The following ZNF407 variants were observed in gnomAD, a reference collection of about 807,000 sequenced individuals.
ZNF407 encodes the protein zinc finger protein 407.
Under a neutral mutation model 131.2 loss-of-function variants are expected in ZNF407, and 17 were observed. The ratio of observed to expected loss-of-function variants is 0.13; its 90% confidence interval spans 0.09 to 0.19. The LOEUF is 0.19. Among genes scored for constraint, ZNF407 ranks in the 10% least tolerant of loss-of-function variants. The pLI is 1.00. For synonymous variants in ZNF407, 1,156 were observed against 1,062.0 expected (o/e 1.09, Z -1.72); for missense variants, 2,681 against 2,830.6 (o/e 0.95, Z 1.20).
chr18:74,877,305 G>A lies in ZNF407; in HGVS notation c.4986G>A (p.Thr1662=), dbSNP rs368154669. Residue 1662 remains threonine (T), a synonymous_variant, in exon 5 of 9, where the codon ACG becomes ACA. Transcript: ENST00000299687. ...GEKPFKCTWP[T]CHYSFLTASA... Reference sequence around the variant, plus strand: ...AGCCGTTTAAATGTACCTGGCCCACGTGCCATTACTCATTCCTCACAGCCT... The same window carrying A: ...AGCCGTTTAAATGTACCTGGCCCACATGCCATTACTCATTCCTCACAGCCT... 1.9e-6 allele frequency: 3 copies of A among 1,613,870 alleles called. No homozygotes were observed. The highest frequency in any genetic ancestry group is 2.5e-6 in the Non-Finnish European group (3 of 1,179,880).
chr18:74,877,037 A>T (rs1237688796), intron 4 of ZNF407, among the ~76,000 whole-genome samples, 160 bp from the exon 5 acceptor site: 1 of 152,216 alleles, frequency 6.6e-6, no homozygotes, highest in East Asian at 1.9e-4. Context: ...TCGACAGAAA[A>T]ATCAATGCCT....
chr18:74,999,980 A>G (rs34507679), intron 8 of ZNF407, among the ~76,000 whole-genome samples: 2,064 of 152,352 alleles, frequency 0.014, 18 homozygotes, highest in Non-Finnish European at 0.023. Flanking sequence ...AAATCATAAG[A>G]AAGTTCTTTA....
At chr18:74,982,757 G>A (rs1025521005) in intron 8 of ZNF407, among the ~76,000 whole-genome samples, 2 of 152,134 alleles carry the variant, frequency 1.3e-5, no homozygotes, top group Admixed American at 6.5e-5. Flanking sequence ...TTCTAAAACG[G>A]CAAATTAAAT....
At chr18:74,962,040 A>T (rs1219974976) in intron 8 of ZNF407, among the ~76,000 whole-genome samples, 1 of 151,436 alleles carries the variant, frequency 6.6e-6, no homozygotes, top group African/African-American at 2.4e-5. Context: ...CATTTCCTTT[A>T]GCCATTTCCT....
At chr18:74,804,090 A>T in intron 4 of ZNF407, 1 of 1,549,238 alleles carries the variant, frequency 6.5e-7, no homozygotes. Flanking sequence ...CTGCAGTGGG[A>T]GGATTGGCTG....
chr18:74,846,999 A>G (rs1436745898), intron 4 of ZNF407, among the ~76,000 whole-genome samples: 1 of 151,974 alleles, frequency 6.6e-6, no homozygotes, highest in Admixed American at 6.6e-5. Context: ...GTCTCAAAAA[A>G]AAAAAGTGGT....
chr18:74,846,989 G>C (rs1237674585), intron 4 of ZNF407, among the ~76,000 whole-genome samples: 1 of 119,960 alleles, frequency 8.3e-6, no homozygotes, highest in East Asian at 2.9e-4. Context: ...GCAAGACTTA[G>C]TCTCAAAAAA....
At position 74,634,073 on chromosome 18, in the gene ZNF407, G is replaced by A; in HGVS notation, c.3054G>A (p.Lys1018=). 6.2e-7 allele frequency: 1 copy of A among 1,614,076 alleles called. No individual in the cohort carries two copies. The highest frequency in any genetic ancestry group is 8.5e-7 in the Non-Finnish European group (1 of 1,179,914). Residue 1018 remains lysine (K), a synonymous_variant, in exon 2 of 9, where the codon AAG becomes AAA. Transcript: ENST00000299687. ...ATGTTACAGGCACAGGTGAGAATAAGTGTTTGCACTGTGAGTTTAGTGCTC... is the reference window on the plus strand; with the variant it reads ...ATGTTACAGGCACAGGTGAGAATAAATGTTTGCACTGTGAGTTTAGTGCTC... ...QRDVTGTGEN[K]CLHCEFSAHS...
rs370706350 is a variant in ZNF407, at chr18:74,952,419, C to T, written c.5428+31727C>T. ...TTAGGAACTGGCCCAAGTTACCCAC[C>T]TGTTTACTGCCAAATACTTGTCGAG... is the stretch of plus-strand genomic sequence containing the variant. On this transcript the variant is annotated intron_variant, in intron 8 of 8. Transcript: ENST00000299687. Among the ~76,000 whole-genome samples the T allele has an allele frequency of 7.9e-4, 120 of 152,320 alleles. 1 individual carries two copies. Among genetic ancestry groups the T allele is most frequent in the African/African-American group, 2.8e-3 (117 of 41,570 alleles).
intron 4 of ZNF407, among the ~76,000 whole-genome samples, chr18:74,862,865 A>T (rs1290549400): frequency 6.6e-6 from 1 of 151,314 alleles, no homozygotes; most frequent in Non-Finnish European, 1.5e-5. Flanking sequence ...AGTAATTAAA[A>T]TGTGTTAATA....
chr18:74,768,097 G>A (rs1334345552), intron 3 of ZNF407, among the ~76,000 whole-genome samples: 1 of 152,066 alleles, frequency 6.6e-6, no homozygotes, highest in Non-Finnish European at 1.5e-5. Context: ...TTGCCAAATA[G>A]TATTTTTAAA....
chr18:74,732,988 T>G (rs939108725), intron 3 of ZNF407, among the ~76,000 whole-genome samples: 2 of 152,182 alleles, frequency 1.3e-5, no homozygotes, highest in Non-Finnish European at 2.9e-5. Context: ...AGTCTAAAAG[T>G]TAAATAAGAT....
intron 7 of ZNF407, among the ~76,000 whole-genome samples, chr18:74,890,708 G>A (rs1971372387): frequency 6.6e-6 from 1 of 152,116 alleles, no homozygotes; most frequent in African/African-American, 2.4e-5. Context: ...AGCATAAAAA[G>A]TGACTCAGTG....
chr18:74,809,665 A>AT lies in ZNF407; in HGVS notation c.4877+28164dup, dbSNP rs1223288134. On this transcript the variant is annotated intron_variant, in intron 4 of 8. Transcript: ENST00000299687. ...AAGAGCTTTCTTAGGCTTATCGATAATACAAAAGATTATTAATGGAGTCTA... is the reference window on the plus strand; with the variant it reads ...AAGAGCTTTCTTAGGCTTATCGATAATTACAAAAGATTATTAATGGAGTCTA... 1.4e-4 allele frequency among the ~76,000 whole-genome samples: 22 copies of AT among 152,348 alleles called. No homozygotes were observed. In the East Asian group the frequency reaches 4.2e-3, roughly 29 times the overall value.
At chr18:74,730,588 T>C (rs954843328) in intron 3 of ZNF407, among the ~76,000 whole-genome samples, 4 of 152,228 alleles carry the variant, frequency 2.6e-5, no homozygotes, top group African/African-American at 9.6e-5. Flanking sequence ...CACTGGTAAC[T>C]ATTTCTTGGT....
intron 3 of ZNF407, among the ~76,000 whole-genome samples, chr18:74,658,959 T>TA: frequency 6.6e-6 from 1 of 152,178 alleles, no homozygotes. Context: ...ATTGTGTAAT[T>TA]AAAATCTATT....
chr18:74,978,712 C>T (rs1972555112), intron 8 of ZNF407, among the ~76,000 whole-genome samples: 1 of 151,530 alleles, frequency 6.6e-6, no homozygotes, highest in Admixed American at 6.6e-5. Context: ...GATGGAACAT[C>T]CAGGCATCTA....
intron 4 of ZNF407, among the ~76,000 whole-genome samples, chr18:74,799,043 G>T (rs72973402): frequency 6.6e-6 from 1 of 152,038 alleles, no homozygotes; most frequent in Non-Finnish European, 1.5e-5. Context: ...TTAGTTAAAG[G>T]CTATTTCAGT....
chr18:74,949,326 C>T (rs964255013), intron 8 of ZNF407, among the ~76,000 whole-genome samples: 7 of 152,288 alleles, frequency 4.6e-5, no homozygotes, highest in Admixed American at 3.9e-4. Flanking sequence ...AATCACTTAA[C>T]CTCACTGTAC....
Sources: gnomAD v4.1 joint callset for allele counts (sites outside exome capture counted in the v4.1 genomes callset) on GRCh38, gnomAD v4.1.1 for gene constraint, MANE v1.5 for transcripts, NCBI Gene and HGNC (gene_info 2026-07-23, HGNC 2026-07-21) for gene names.